DOCK1: variants seen among roughly 807,000 people sequenced by gnomAD.
DOCK1 encodes the protein dedicator of cytokinesis protein 1.
DOCK1 carries 138 observed loss-of-function variants against 262.7 expected under a neutral mutation model. The observed-to-expected ratio is 0.53, with a 90% confidence interval of 0.46 to 0.61. The LOEUF (loss-of-function observed/expected upper bound fraction) is 0.61, where lower values mean the gene tolerates loss of function less well. Among genes scored for constraint, DOCK1 ranks in the 20% least tolerant of loss-of-function variants. DOCK1 has a pLI of 0.00. For synonymous variants in DOCK1, 866 were observed against 867.4 expected, an observed-to-expected ratio of 1.00 and a Z score of 0.03; for missense variants, 1,908 against 2,370.7, an observed-to-expected ratio of 0.80 and a Z score of 4.05.
At chr10:127,145,949 A>C (rs1213118829) in intron 27 of DOCK1, 1 of 510,640 alleles carries the variant, frequency 2.0e-6, no homozygotes, top group Non-Finnish European at 3.9e-6. Context: ...AGGTTCTTTC[A>C]AGACGCCTAT....
chr10:127,387,065 C>G (rs558210492), intron 38 of DOCK1, among the ~76,000 whole-genome samples: 2 of 152,336 alleles, frequency 1.3e-5, no homozygotes, highest in South Asian at 4.1e-4. Context: ...GGCAGGGACC[C>G]TGGGGTGGCC....
chr10:127,353,316 T>A (rs2133861982), intron 31 of DOCK1, among the ~76,000 whole-genome samples: 1 of 152,274 alleles, frequency 6.6e-6, no homozygotes, highest in East Asian at 1.9e-4. Flanking sequence ...GATCCCTTTG[T>A]CATTAGTGCA....
intron 29 of DOCK1, among the ~76,000 whole-genome samples, chr10:127,320,474 A>G (rs11017275): frequency 0.047 from 7,211 of 152,136 alleles, 210 homozygotes; most frequent in Non-Finnish European, 0.071. Context: ...ATAGCATCCA[A>G]TCAGACACCG....
chr10:127,108,192 A>G lies in DOCK1; in HGVS notation c.2516+1891A>G, dbSNP rs530291315. ...ATTGGTTCATGTTTTAATAAACAGA[A>G]GAGATGACAGAAGAGGGTAACTCAA... On this transcript the variant is annotated intron_variant, in intron 24 of 51. Coordinates refer to ENST00000623213, the MANE Select transcript of DOCK1 (RefSeq NM_001290223.2). Among the ~76,000 whole-genome samples, 163 of 152,368 alleles carry G rather than the reference A, an allele frequency of 1.1e-3. 1 individual carries two copies. Among genetic ancestry groups the G allele is most frequent in the African/African-American group, 3.7e-3 (153 of 41,578 alleles).
chr10:127,077,061 TA>T (rs2046606526), intron 23 of DOCK1, among the ~76,000 whole-genome samples: 1 of 152,032 alleles, frequency 6.6e-6, no homozygotes, highest in South Asian at 2.1e-4. Flanking sequence ...CAGGGTAACT[TA>T]AATTTCTCTG....
At chr10:126,939,731 G>A (rs1459869282) in intron 1 of DOCK1, among the ~76,000 whole-genome samples, 1 of 152,220 alleles carries the variant, frequency 6.6e-6, no homozygotes, top group African/African-American at 2.4e-5. Context: ...CCAGTGTTCT[G>A]TGATGGGCTG....
chr10:127,177,468 G>A (rs1187819406), intron 27 of DOCK1, among the ~76,000 whole-genome samples: 1 of 152,254 alleles, frequency 6.6e-6, no homozygotes, highest in African/African-American at 2.4e-5. Context: ...AGAGTTAAGT[G>A]TGTTGTTTGT....
At chr10:127,227,657 G>A (rs909707200) in intron 27 of DOCK1, among the ~76,000 whole-genome samples, 1 of 152,310 alleles carries the variant, frequency 6.6e-6, no homozygotes, top group Non-Finnish European at 1.5e-5. Flanking sequence ...CTTCAAGTTC[G>A]GTTATAAAGG....
At position 127,034,775 on chromosome 10, in the gene DOCK1, C is replaced by T. The variant is rs185555970; in HGVS notation, c.1912+2455C>T. On this transcript the variant is annotated intron_variant, in intron 18 of 51. Transcript: ENST00000623213. The stretch of plus-strand genomic sequence containing the variant: ...CTCGGAAGTCATTACTTAACTTGCT[C>T]ATCTTTCCCCATTCAAAGCAATGCT... Among the ~76,000 whole-genome samples, 27 of 152,318 alleles carry T rather than the reference C, an allele frequency of 1.8e-4. No individual in the cohort carries two copies. In the East Asian group the frequency reaches 5.0e-3, roughly 28 times the overall value.
Position 127,175,729 on chromosome 10 carries a change from G to A in DOCK1, c.2847+47965G>A. The A allele has an allele frequency of 6.2e-7, 1 of 1,614,046 alleles. No individual in the cohort carries two copies. The highest frequency in any genetic ancestry group is 8.5e-7 in the Non-Finnish European group (1 of 1,180,032). ...TCCTGCTTGGCCCTCCCGAGCAGCT[G>A]GTAATCGGGCTCTTCGGATGGAGGC... On this transcript the variant is annotated intron_variant, in intron 27 of 51. Coordinates refer to ENST00000623213, the MANE Select transcript of DOCK1 (RefSeq NM_001290223.2). The surrounding 1 kb of genome is among the most constrained non-coding windows in gnomAD (Gnocchi z 6.3).
intron 29 of DOCK1, among the ~76,000 whole-genome samples, chr10:127,312,215 A>C (rs1298495207): frequency 6.6e-6 from 1 of 152,180 alleles, no homozygotes; most frequent in African/African-American, 2.4e-5. Flanking sequence ...TGGGGCTATT[A>C]AACTTGCAGG....
chr10:127,272,909 G>A (rs1249352795), intron 29 of DOCK1, among the ~76,000 whole-genome samples: 2 of 152,152 alleles, frequency 1.3e-5, no homozygotes, highest in East Asian at 1.9e-4. Context: ...GGAACAGCAC[G>A]AAAGACCTGC....
At chr10:127,417,413 C>G (rs911948882) in intron 44 of DOCK1, among the ~76,000 whole-genome samples, 1 of 151,978 alleles carries the variant, frequency 6.6e-6, no homozygotes, top group Non-Finnish European at 1.5e-5. Flanking sequence ...GGGTGGAGGT[C>G]CCTGAGAGAC....
At chr10:127,251,088 G>C (rs1348839275) in intron 28 of DOCK1, among the ~76,000 whole-genome samples, 2 of 151,734 alleles carry the variant, frequency 1.3e-5, no homozygotes, top group South Asian at 2.1e-4. Context: ...TCAGCCTCCC[G>C]AGTAGCTGGG....
chr10:127,239,424 A>G (rs552157398), intron 27 of DOCK1, among the ~76,000 whole-genome samples: 4 of 152,120 alleles, frequency 2.6e-5, no homozygotes, highest in Non-Finnish European at 4.4e-5. Flanking sequence ...TATCATCATA[A>G]ACATTTAATA....
At chr10:127,156,031 T>G (rs1302513776) in intron 27 of DOCK1, among the ~76,000 whole-genome samples, 1 of 152,202 alleles carries the variant, frequency 6.6e-6, no homozygotes, top group Admixed American at 6.5e-5. Flanking sequence ...TTTTAGGTTC[T>G]TACAGTGGGC....
At chr10:127,141,814 G>A (rs971694454) in intron 27 of DOCK1, among the ~76,000 whole-genome samples, 3 of 152,192 alleles carry the variant, frequency 2.0e-5, no homozygotes, top group African/African-American at 4.8e-5. Context: ...AGACAAATAG[G>A]GCTCTGCCTG....
At chr10:126,922,268 G>C (rs142709268) in intron 1 of DOCK1, among the ~76,000 whole-genome samples, 1 of 147,180 alleles carries the variant, frequency 6.8e-6, no homozygotes, top group Admixed American at 6.8e-5. Flanking sequence ...GTTTCTGTAA[G>C]CTGTACAGGA....
At chr10:127,439,331 A>T in intron 49 of DOCK1, 106 bp downstream of exon 49, 1 of 1,213,152 alleles carries the variant, frequency 8.2e-7, no homozygotes, top group Non-Finnish European at 1.1e-6. Context: ...TGAACTTGTT[A>T]TAAATTAGCA....
Sources: gnomAD v4.1 joint callset for allele counts (sites outside exome capture counted in the v4.1 genomes callset) on GRCh38, gnomAD v4.1.1 for gene constraint, Gnocchi (gnomAD v3.1) non-coding constraint, MANE v1.5 for transcripts, NCBI Gene and HGNC (gene_info 2026-07-23, HGNC 2026-07-21) for gene names.